NFIA: variants seen among roughly 807,000 people sequenced by gnomAD.
NFIA encodes the protein nuclear factor I A.
In NFIA, 8 loss-of-function variants were observed where a neutral mutation model predicts 62.8. The observed-to-expected ratio is 0.13, with a 90% CI of 0.07 to 0.23. NFIA has a LOEUF of 0.23. Among genes scored for constraint, NFIA ranks in the 10% least tolerant of loss-of-function variants. The pLI is 1.00. For missense variants in NFIA, 410 were observed against 642.1 expected (o/e 0.64, Z 3.91); for synonymous variants, 235 against 238.1 (o/e 0.99, Z 0.12).
intron 2 of NFIA, chr1:61,132,783 C>T (rs1456052638): frequency 6.6e-6 from 1 of 152,106 alleles, no homozygotes; most frequent in Non-Finnish European, 1.5e-5. Context: ...AAAGGATTAC[C>T]GAAGTTTAGA....
At chr1:61,221,155 ATGT>A (rs1653991487) in intron 2 of NFIA, among the ~76,000 whole-genome samples, 1 of 152,234 alleles carries the variant, frequency 6.6e-6, no homozygotes, top group South Asian at 2.1e-4. Context: ...TTCATTTATA[ATGT>A]TGTGTTCAAA....
intron 6 of NFIA, among the ~76,000 whole-genome samples, chr1:61,372,487 A>G (rs1434912362): frequency 6.6e-6 from 1 of 151,930 alleles, no homozygotes; most frequent in Admixed American, 6.6e-5. Context: ...ACATAATTAG[A>G]CAGACACCAT....
chr1:61,283,981 A>T (rs1658323858), intron 3 of NFIA, among the ~76,000 whole-genome samples: 1 of 152,190 alleles, frequency 6.6e-6, no homozygotes, highest in Non-Finnish European at 1.5e-5. Flanking sequence ...ACTGGGAAAG[A>T]AGGAGCATTC....
chr1:61,124,536 G>A (rs1238641696), intron 2 of NFIA, among the ~76,000 whole-genome samples: 2 of 152,158 alleles, frequency 1.3e-5, no homozygotes, highest in Non-Finnish European at 2.9e-5. Context: ...AATACTGAGA[G>A]ATTCAAATTA....
chr1:61,148,341 T>C (rs1429031709), intron 2 of NFIA, among the ~76,000 whole-genome samples: 1 of 152,192 alleles, frequency 6.6e-6, no homozygotes, highest in African/African-American at 2.4e-5. Context: ...TTCCGGCCTT[T>C]GGACTTTTGT....
intron 3 of NFIA, among the ~76,000 whole-genome samples, chr1:61,312,173 A>G (rs1267857163): frequency 6.6e-6 from 1 of 152,260 alleles, no homozygotes; most frequent in African/African-American, 2.4e-5. Flanking sequence ...GCCTATGTAG[A>G]CTTGTGAGTG....
At chr1:61,249,470 T>C (rs1348227523) in intron 2 of NFIA, among the ~76,000 whole-genome samples, 12 of 152,190 alleles carry the variant, frequency 7.9e-5, no homozygotes, top group Admixed American at 7.2e-4. Flanking sequence ...GGAAGGAATG[T>C]ATCAAAAATG....
intron 1 of NFIA, among the ~76,000 whole-genome samples, chr1:61,083,396 A>G (rs1244732288): frequency 6.6e-6 from 1 of 151,832 alleles, no homozygotes; most frequent in Non-Finnish European, 1.5e-5. Context: ...GTCTTCCCGA[A>G]CTCTTACTTT....
chr1:61,087,999 T>C (rs1171534307), intron 1 of NFIA, 150 bp from the exon 2 acceptor site: 12 of 718,360 alleles, frequency 1.7e-5, no homozygotes, highest in Non-Finnish European at 2.7e-5. Flanking sequence ...AGACTTCCCA[T>C]AGGATCCTGT....
intron 4 of NFIA, among the ~76,000 whole-genome samples, chr1:61,335,842 C>T (rs1316726059): frequency 7.5e-6 from 1 of 133,354 alleles, no homozygotes; most frequent in Non-Finnish European, 1.6e-5. Context: ...GACTCCATCT[C>T]AAAAAAAAAA....
chr1:61,346,654 C>T (rs997430186), intron 4 of NFIA, among the ~76,000 whole-genome samples: 1 of 152,104 alleles, frequency 6.6e-6, no homozygotes, highest in South Asian at 2.1e-4. Flanking sequence ...CCTCCATTCC[C>T]TTCTGCTGGG....
chr1:61,297,139 G>C (rs1040208994), intron 3 of NFIA, among the ~76,000 whole-genome samples: 2 of 152,074 alleles, frequency 1.3e-5, no homozygotes, highest in Non-Finnish European at 2.9e-5. Flanking sequence ...TTATTTAAAA[G>C]GTTTGCTCTA....
intron 4 of NFIA, among the ~76,000 whole-genome samples, chr1:61,338,816 G>T (rs1207851472): frequency 6.6e-6 from 1 of 152,196 alleles, no homozygotes; most frequent in Non-Finnish European, 1.5e-5. Flanking sequence ...TAATTAAAGT[G>T]GGATAGATTT....
At chr1:61,242,506 G>A (rs866463130) in intron 2 of NFIA, among the ~76,000 whole-genome samples, 19 of 152,148 alleles carry the variant, frequency 1.2e-4, no homozygotes, top group African/African-American at 3.6e-4. Context: ...TAAATAACCA[G>A]TACTAAACTA....
chr1:61,298,894 G>C (rs914346785), intron 3 of NFIA, among the ~76,000 whole-genome samples: 7 of 152,290 alleles, frequency 4.6e-5, no homozygotes, highest in African/African-American at 1.7e-4. Flanking sequence ...GTGTTTCAAA[G>C]TGACTGCGTT....
In NFIA at chr1:61,412,834, G is replaced by A. The variant is rs544014938; in HGVS notation, c.1420+6107G>A. 3.9e-5 allele frequency among the ~76,000 whole-genome samples: 6 copies of A among 152,240 alleles called. No individual in the cohort carries two copies. The South Asian group carries it at 1.0e-3, about 26-fold the overall frequency. On this transcript the variant is annotated intron_variant, in intron 9 of 10. Transcript: ENST00000403491. Reference sequence around the variant, plus strand: ...TGGCATGGGACAAAGCTTTCATTATGTTTGGGTCTGTTTGTGCTGTGGTAA... The same window carrying A: ...TGGCATGGGACAAAGCTTTCATTATATTTGGGTCTGTTTGTGCTGTGGTAA...
chr1:61,144,260 G>T (rs1018123216), intron 2 of NFIA, among the ~76,000 whole-genome samples: 19 of 152,218 alleles, frequency 1.2e-4, no homozygotes, highest in African/African-American at 4.6e-4. Flanking sequence ...AGCTCTAGGG[G>T]TGGGGCCTGA....
Position 61,082,571 on chromosome 1 carries a change from T to TTCAGC in NFIA, c.-217_-213dup. ...AGGGAAACTCTAGGCGGGGTTAAAG[T>TTCAGC]TCAGCTCATGGAGCGGCAATAGCGC... On this transcript the variant is annotated 5_prime_UTR_variant, in exon 1 of 11. In the 5' UTR this introduces an upstream ATG that the reference lacks. Coordinates refer to ENST00000403491, the MANE Select transcript of NFIA (RefSeq NM_001134673.4). 3 of 1,461,608 alleles carry TTCAGC rather than the reference T, an allele frequency of 2.1e-6. No individual in the cohort carries two copies. The highest frequency in any genetic ancestry group is 9.1e-7 in the Non-Finnish European group (1 of 1,101,982). 90.5% of individuals were successfully genotyped at this position (1,461,608 alleles called of 1,614,324 possible). A position where few individuals can be genotyped will look rare whatever the true frequency, so the allele number is the denominator to read the frequency against.
chr1:61,126,955 A>G (rs943276160), intron 2 of NFIA, among the ~76,000 whole-genome samples: 5 of 151,122 alleles, frequency 3.3e-5, no homozygotes, highest in Admixed American at 6.6e-5. Context: ...CGACTGTCCG[A>G]CTAGTTTTTG....
Sources: allele counts gnomAD v4.1 joint callset (sites outside exome capture counted in the v4.1 genomes callset), GRCh38; gene constraint gnomAD v4.1.1; transcripts MANE v1.5; gene names NCBI Gene and HGNC (gene_info 2026-07-23, HGNC 2026-07-21).